CELF1: variants seen among roughly 807,000 people sequenced by gnomAD.
CELF1 encodes 50 kDa nuclear polyadenylated RNA-binding protein.
In CELF1, 10 loss-of-function variants were observed where a neutral mutation model predicts 61.8. The ratio of observed to expected loss-of-function variants is 0.16; its 90% CI spans 0.10 to 0.27. The LOEUF is 0.27. Among genes scored for constraint, CELF1 ranks in the 10% least tolerant of loss-of-function variants. The pLI is 1.00. For missense variants in CELF1, 380 were observed against 639.1 expected (o/e 0.59, Z 4.37); for synonymous variants, 236 against 225.1 (o/e 1.05, Z -0.43).
intron 1 of CELF1, chr11:47,565,125 C>A (rs764535732): frequency 6.6e-6 from 1 of 151,952 alleles, no homozygotes; most frequent in African/African-American, 2.4e-5. Context: ...GCCACACAGC[C>A]TCTCCTTGTC....
intron 1 of CELF1, among the ~76,000 whole-genome samples, chr11:47,545,615 T>C (rs1377887738): frequency 7.9e-5 from 12 of 152,192 alleles, no homozygotes; most frequent in Non-Finnish European, 1.5e-4. Context: ...AGCATAAAGT[T>C]TGCCTAGCTG....
chr11:47,495,848 A>G, intron 3 of CELF1: 1 of 345,736 alleles, frequency 2.9e-6, no homozygotes, highest in Non-Finnish European at 4.1e-6. Flanking sequence ...TTTAAAAATA[A>G]TTCCTGAAAC....
intron 1 of CELF1, among the ~76,000 whole-genome samples, chr11:47,529,277 G>A (rs1274966905): frequency 1.5e-5 from 2 of 135,942 alleles, no homozygotes; most frequent in African/African-American, 2.5e-5. Flanking sequence ...AGTAGGAGAC[G>A]AGGCCGGGGA....
At chr11:47,548,221 C>A (rs1040339487) in intron 1 of CELF1, among the ~76,000 whole-genome samples, 3 of 152,130 alleles carry the variant, frequency 2.0e-5, no homozygotes, top group Admixed American at 2.0e-4. Flanking sequence ...ATCGCTTGAA[C>A]CAGGGCGACA....
chr11:47,558,507 TATAAATAATA>T (rs1424478682), intron 2 of CELF1, among the ~76,000 whole-genome samples: 2 of 123,236 alleles, frequency 1.6e-5, no homozygotes, highest in African/African-American at 6.6e-5. Flanking sequence ...TATTATATTA[TATAAATAATA>T]TATGTATATG....
intron 1 of CELF1, among the ~76,000 whole-genome samples, chr11:47,521,769 A>C (rs76516661): frequency 0.015 from 2,270 of 152,302 alleles, 23 homozygotes; most frequent in Non-Finnish European, 0.022. Context: ...TGATGATTCT[A>C]TCTCTTCAAA....
intron 1 of CELF1, among the ~76,000 whole-genome samples, chr11:47,508,501 G>A (rs1294608879): frequency 1.3e-5 from 2 of 149,430 alleles, no homozygotes; most frequent in East Asian, 3.9e-4. Flanking sequence ...GGAGAACATA[G>A]CAGCCCTCAG....
chr11:47,480,055 A>G (rs1187875453), intron 9 of CELF1, among the ~76,000 whole-genome samples: 1 of 149,826 alleles, frequency 6.7e-6, no homozygotes, highest in Non-Finnish European at 1.5e-5. Flanking sequence ...ATGATGATGT[A>G]CTATCACACA....
intron 4 of CELF1, among the ~76,000 whole-genome samples, chr11:47,488,072 C>T (rs1350758934): frequency 6.6e-6 from 1 of 152,232 alleles, no homozygotes; most frequent in Non-Finnish European, 1.5e-5. Flanking sequence ...AGTAATTCCT[C>T]TGCTTCTAGA....
intron 1 of CELF1, among the ~76,000 whole-genome samples, chr11:47,534,595 G>A (rs1047223690): frequency 6.6e-6 from 1 of 151,944 alleles, no homozygotes; most frequent in Non-Finnish European, 1.5e-5. Context: ...GGGCGTGGTG[G>A]TGGGCAACTG....
intron 2 of CELF1, among the ~76,000 whole-genome samples, chr11:47,558,780 T>TATATATAATATATATAATTGTATATATA (rs1565921922): frequency 8.5e-6 from 1 of 117,652 alleles, no homozygotes; most frequent in East Asian, 2.2e-4. Context: ...GTATATATAA[T>TATATATAATATATATAATTGTATATATA]ATATATATAA....
chr11:47,486,519 C>T (rs1377130340), intron 6 of CELF1, among the ~76,000 whole-genome samples: 1 of 152,042 alleles, frequency 6.6e-6, no homozygotes, highest in Non-Finnish European at 1.5e-5. Flanking sequence ...AAGAGATTCT[C>T]ATGCCTCAGC....
chr11:47,486,019 G>C (rs2086713574), intron 6 of CELF1, among the ~76,000 whole-genome samples: 1 of 140,122 alleles, frequency 7.1e-6, no homozygotes, highest in African/African-American at 2.6e-5. Flanking sequence ...AAATTAGCCG[G>C]GCGTGGTGGC....
chr11:47,482,483 G>T (rs1455946868), intron 9 of CELF1: 1 of 374,112 alleles, frequency 2.7e-6, no homozygotes, highest in Non-Finnish European at 4.7e-6. Flanking sequence ...AAAGCCTCAA[G>T]ATATAACCAG....
At chr11:47,564,171 C>CAAAAA (rs779009192) in intron 2 of CELF1, among the ~76,000 whole-genome samples, 303 of 62,804 alleles carry the variant, frequency 4.8e-3, no homozygotes, top group African/African-American at 6.1e-3. Flanking sequence ...ACTAAAAATA[C>CAAAAA]AAAAAAAAAA....
intron 1 of CELF1, among the ~76,000 whole-genome samples, chr11:47,507,917 A>C (rs965191242): frequency 6.6e-6 from 1 of 152,094 alleles, no homozygotes; most frequent in Non-Finnish European, 1.5e-5. Flanking sequence ...AAAAAAAAAA[A>C]CAGAACTTCC....
chr11:47,500,664 T>C (rs2093783344), intron 2 of CELF1, among the ~76,000 whole-genome samples, 197 bp downstream of exon 2: 1 of 152,008 alleles, frequency 6.6e-6, no homozygotes, highest in Non-Finnish European at 1.5e-5. Context: ...AAAAATTCTA[T>C]TATGGGTGAG....
intron 1 of CELF1, among the ~76,000 whole-genome samples, chr11:47,550,684 T>C (rs2097115556): frequency 1.3e-5 from 2 of 151,976 alleles, no homozygotes; most frequent in African/African-American, 4.8e-5. Context: ...TTTTTTGACT[T>C]ACCTGTTTTT....
chr11:47,526,382 A>C (rs1339506049), intron 1 of CELF1, among the ~76,000 whole-genome samples: 1 of 152,252 alleles, frequency 6.6e-6, no homozygotes, highest in East Asian at 1.9e-4. Flanking sequence ...AATTTGAACA[A>C]GATGATTTCT....
Sources: allele counts gnomAD v4.1 joint callset (sites outside exome capture counted in the v4.1 genomes callset), GRCh38; gene constraint gnomAD v4.1.1; transcripts MANE v1.5; gene names NCBI Gene and HGNC (gene_info 2026-07-23, HGNC 2026-07-21).